The following EDC3 variants were observed in gnomAD, a reference collection of about 807,000 sequenced individuals.
The protein encoded by EDC3 is enhancer of mRNA decapping 3.
EDC3 carries 20 observed loss-of-function variants against 41.8 expected under a neutral mutation model. The ratio of observed to expected loss-of-function variants is 0.48; its 90% CI spans 0.34 to 0.70. EDC3 has a LOEUF of 0.70. EDC3 is among the 30% of genes least tolerant of loss of function. EDC3 has a pLI of 0.01. For synonymous variants in EDC3, 206 were observed against 243.2 expected (o/e 0.85, Z 1.42); for missense variants, 444 against 636.8 (o/e 0.70, Z 3.26).
chr15:74,654,403 G>C (rs2062519000), intron 4 of EDC3, among the ~76,000 whole-genome samples: 1 of 152,188 alleles, frequency 6.6e-6, no homozygotes, highest in African/African-American at 2.4e-5. Flanking sequence ...CAGTAAAAAA[G>C]GAAGCAGTCA....
rs574729274 is a variant in EDC3, at chr15:74,632,418, C to T, written c.*194G>A. On this transcript the variant is annotated 3_prime_UTR_variant, in exon 7 of 7. Transcript: ENST00000315127. This position sits in a 1 kb window ranked among gnomAD's most constrained non-coding sequence, Gnocchi z 4.0. ...TGCACGCTCAGCCTGCCACCCAGCC[C>T]GGAACCCAGTGGGAAAGACTTCCCT... The T allele has an allele frequency of 2.2e-5, 15 of 684,246 alleles. No homozygotes were observed. The highest frequency in any genetic ancestry group is 2.0e-4 in the South Asian group (10 of 50,800). 42.4% of individuals were successfully genotyped at this position (684,246 alleles called of 1,614,324 possible).
intron 2 of EDC3, among the ~76,000 whole-genome samples, chr15:74,672,036 C>A (rs985074174): frequency 6.6e-6 from 1 of 151,290 alleles, no homozygotes; most frequent in Non-Finnish European, 1.5e-5. Flanking sequence ...CCGAGGCGGG[C>A]GGATCACGAG....
At chr15:74,689,581 G>A (rs186666745) in intron 1 of EDC3, among the ~76,000 whole-genome samples, 2 of 151,826 alleles carry the variant, frequency 1.3e-5, no homozygotes, top group Admixed American at 1.3e-4. Flanking sequence ...CCGGACTGCA[G>A]TGGCACTATC....
chr15:74,632,397 C>T lies in EDC3; in HGVS notation c.*215G>A, dbSNP rs576347533. 3.6e-5 allele frequency: 22 copies of T among 611,796 alleles called. No homozygotes were observed. Among genetic ancestry groups the T allele is most frequent in the South Asian group, 2.4e-4 (12 of 49,034 alleles). 37.9% of individuals were successfully genotyped at this position (611,796 alleles called of 1,614,324 possible). A position where few individuals can be genotyped will look rare whatever the true frequency, so the allele number is the denominator to read the frequency against. On this transcript the variant is annotated 3_prime_UTR_variant, in exon 7 of 7. Coordinates refer to ENST00000315127, the MANE Select transcript of EDC3 (RefSeq NM_025083.5). The surrounding 1 kb of genome is among the most constrained non-coding windows in gnomAD (Gnocchi z 4.0). ...GGTAGAGATGCCTGGAGTTGCTGCA[C>T]GCTCAGCCTGCCACCCAGCCCGGAA...
At chr15:74,633,468 C>G (rs1166800040) in intron 6 of EDC3, among the ~76,000 whole-genome samples, 2 of 152,232 alleles carry the variant, frequency 1.3e-5, no homozygotes, top group African/African-American at 4.8e-5. Context: ...TCTACTCTAG[C>G]AAGCCTGTCC....
At chr15:74,693,010 C>T (rs2063025293) in intron 1 of EDC3, 1 of 152,126 alleles carries the variant, frequency 6.6e-6, no homozygotes, top group East Asian at 1.9e-4. Flanking sequence ...CCAGCCTATA[C>T]CTGAAAGCCT....
chr15:74,673,206 T>G (rs937304639), intron 2 of EDC3, among the ~76,000 whole-genome samples: 2 of 152,038 alleles, frequency 1.3e-5, no homozygotes, highest in Non-Finnish European at 2.9e-5. Flanking sequence ...GTGGTACCAG[T>G]TAGAAGACCA....
chr15:74,635,934 T>C (rs1223498110), intron 5 of EDC3: 2 of 368,056 alleles, frequency 5.4e-6, no homozygotes, highest in African/African-American at 4.1e-5. Flanking sequence ...ATAGTTCCTC[T>C]GCAGCCTTGT....
In EDC3 at chr15:74,650,975, G is replaced by A. The variant is rs1007171415; in HGVS notation, c.820+4758C>T. ...ACTGCACTACTGCACTCCAGCCTGG[G>A]TGCCAGAGTAAGACTCTGTCTCAAA... On this transcript the variant is annotated intron_variant, in intron 4 of 6. Transcript: ENST00000315127. Among the ~76,000 whole-genome samples, 3 of 152,074 alleles carry A rather than the reference G, an allele frequency of 2.0e-5. No individual in the cohort carries two copies. In the East Asian group the frequency reaches 5.8e-4, roughly 29 times the overall value.
At chr15:74,677,194 C>G (rs2062815150) in intron 1 of EDC3, among the ~76,000 whole-genome samples, 1 of 151,452 alleles carries the variant, frequency 6.6e-6, no homozygotes, top group African/African-American at 2.4e-5. Flanking sequence ...TCCTGAGTAG[C>G]TGGGATTACA....
chr15:74,640,801 G>T, intron 4 of EDC3, 182 bp from the exon 5 acceptor site: 1 of 666,544 alleles, frequency 1.5e-6, no homozygotes, highest in Non-Finnish European at 2.5e-6. Flanking sequence ...GTAGTGACTG[G>T]TGAACCAAGT....
At chr15:74,673,047 T>G (rs968447037) in intron 2 of EDC3, among the ~76,000 whole-genome samples, 9 of 151,832 alleles carry the variant, frequency 5.9e-5, no homozygotes, top group South Asian at 2.1e-4. Context: ...ATGGCCCACG[T>G]GAGGAACTGC....
At chr15:74,676,147 A>G (rs1271808647) in intron 1 of EDC3, among the ~76,000 whole-genome samples, 2 of 152,230 alleles carry the variant, frequency 1.3e-5, no homozygotes, top group Non-Finnish European at 2.9e-5. Flanking sequence ...ACATTTCCAA[A>G]TAACCTATGG....
intron 2 of EDC3, 34 bp downstream of exon 2, chr15:74,674,927 G>T: frequency 6.2e-7 from 1 of 1,612,468 alleles, no homozygotes; most frequent in Non-Finnish European, 8.5e-7. Context: ...CAGACCACCA[G>T]GTTGGATTCA....
At chr15:74,669,145 G>A (rs898888619) in intron 3 of EDC3, among the ~76,000 whole-genome samples, 3 of 151,750 alleles carry the variant, frequency 2.0e-5, no homozygotes, top group African/African-American at 4.8e-5. Context: ...CCGAGAGTTT[G>A]AGACCAGCCT....
intron 1 of EDC3, among the ~76,000 whole-genome samples, chr15:74,687,869 A>G (rs1294925483): frequency 1.3e-5 from 2 of 152,212 alleles, no homozygotes; most frequent in Non-Finnish European, 2.9e-5. Flanking sequence ...CAGAATAAAA[A>G]GCACCAGAAA....
intron 4 of EDC3, among the ~76,000 whole-genome samples, chr15:74,650,570 G>A (rs571104956): frequency 6.6e-6 from 1 of 152,258 alleles, no homozygotes; most frequent in East Asian, 1.9e-4. Flanking sequence ...GGCATATATG[G>A]AATCTTTCCA....
intron 1 of EDC3, among the ~76,000 whole-genome samples, chr15:74,688,899 G>T (rs1241925131): frequency 1.4e-5 from 2 of 145,786 alleles, no homozygotes; most frequent in Admixed American, 1.4e-4. Flanking sequence ...AGAGCGAGAT[G>T]CTGTCTCAAA....
intron 1 of EDC3, among the ~76,000 whole-genome samples, chr15:74,693,914 C>A (rs1215855668): frequency 1.3e-5 from 2 of 151,828 alleles, no homozygotes; most frequent in African/African-American, 4.8e-5. Context: ...AACCAGGAGG[C>A]AGAGGTTACA....
Sources: allele counts gnomAD v4.1 joint callset (sites outside exome capture counted in the v4.1 genomes callset), GRCh38; gene constraint gnomAD v4.1.1; non-coding constraint Gnocchi (gnomAD v3.1); transcripts MANE v1.5; gene names NCBI Gene and HGNC (gene_info 2026-07-23, HGNC 2026-07-21).